The following ZNF629 variants were observed in gnomAD, a reference collection of about 807,000 sequenced individuals.
The protein encoded by ZNF629 is DNA-binding protein.
A neutral mutation model predicts 59.7 loss-of-function variants in ZNF629; 9 were observed. The ratio of observed to expected loss-of-function variants is 0.15; its 90% CI spans 0.09 to 0.26. The LOEUF (loss-of-function observed/expected upper bound fraction) is 0.26. Among genes scored for constraint, ZNF629 ranks in the 10% least tolerant of loss-of-function variants. ZNF629 has a pLI of 1.00. For synonymous variants in ZNF629, 509 were observed against 498.9 expected (o/e 1.02, Z -0.27); for missense variants, 853 against 1,165.4 (o/e 0.73, Z 3.90).
chr16:30,783,997 C>T lies in ZNF629; in HGVS notation c.331G>A (p.Glu111Lys), dbSNP rs769547466. ...AGAGCGCCCCACTGCCAGCTGGCCT[C>T]GCAGGCCTTGGTCCAGTCAGATGGG... ...PTPSDWTKAC[E>K]ASWQWGALTT... is the part of the protein sequence containing the mutation. Residue 111 changes from glutamate to lysine, a missense_variant, in exon 3 of 3, where the codon GAG (glutamate) becomes AAG (lysine). Coordinates refer to ENST00000262525, the MANE Select transcript of ZNF629 (RefSeq NM_001080417.3). The T allele has an allele frequency of 2.5e-6, 4 of 1,573,006 alleles. No homozygotes were observed. The highest frequency in any genetic ancestry group is 3.4e-6 in the Non-Finnish European group (4 of 1,160,222).
chr16:30,784,532 C>A lies in ZNF629; in HGVS notation c.-33-17G>T, dbSNP rs1476929947. 1.3e-6 allele frequency: 2 copies of A among 1,490,956 alleles called. No individual in the cohort carries two copies. The highest frequency in any genetic ancestry group is 2.3e-5 in the Admixed American group (1 of 43,056). 92.4% of individuals were successfully genotyped at this position (1,490,956 alleles called of 1,614,324 possible). ...CCAGGGACCCTGCGGGGGAAGACAG[C>A]GATGAGCGCACACTGGGAGCTGATT... is the stretch of plus-strand genomic sequence containing the variant. On this transcript the variant is annotated splice_polypyrimidine_tract_variant and intron_variant, in intron 1 of 2. Transcript: ENST00000262525.
rs1408620620 is a variant in ZNF629, at chr16:30,786,235, C to T, written c.-34+793G>A. Among the ~76,000 whole-genome samples the T allele has an allele frequency of 6.6e-6, 1 of 152,168 alleles. No homozygotes were observed. Among genetic ancestry groups the T allele is most frequent in the Non-Finnish European group, 1.5e-5 (1 of 68,038 alleles). The stretch of plus-strand genomic sequence containing the variant: ...TTAAGCTCCGAGAATCCCCCCTCCC[C>T]GCCTGTAAGTGTCTTTGGGGTGGTG... On this transcript the variant is annotated intron_variant, in intron 1 of 2. Transcript: ENST00000262525. The surrounding 1 kb of genome is among the most constrained non-coding windows in gnomAD (Gnocchi z 4.8).
chr16:30,782,129 C>A lies in ZNF629; in HGVS notation c.2199G>T (p.Gln733His), dbSNP rs536641853. The change falls in exon 3 of 3, where the codon CAG (glutamine) becomes CAT (histidine). Residue 733 changes from glutamine (Q) to histidine (H), a missense_variant. This residue lies in a region of ZNF629 where 420 missense variants were observed against 435.6 expected (regional missense o/e 0.96). Coordinates refer to ENST00000262525, the MANE Select transcript of ZNF629 (RefSeq NM_001080417.3). ...FGLSSELLLH[Q>H]KVHAGGKSSQ... is the part of the protein sequence containing the mutation. ...AGCTCTTCCCGCCTGCATGGACTTTCTGGTGCAGCAGCAGCTCAGAGCTGA... is the reference window on the plus strand; with the variant it reads ...AGCTCTTCCCGCCTGCATGGACTTTATGGTGCAGCAGCAGCTCAGAGCTGA... 1 of 1,611,506 alleles carries A rather than the reference C, an allele frequency of 6.2e-7. No individual in the cohort carries two copies. The highest frequency in any genetic ancestry group is 1.7e-5 in the Admixed American group (1 of 59,592).
intron 1 of ZNF629, among the ~76,000 whole-genome samples, chr16:30,785,826 C>A (rs1003411051): frequency 2.0e-4 from 30 of 150,478 alleles, no homozygotes; most frequent in Admixed American, 1.4e-3. Flanking sequence ...GGGATGGCAG[C>A]AAAGGAGCAG....
rs765345943 is a variant in ZNF629 at position 30,781,897 on chromosome 16, C to G, written c.2431G>C (p.Asp811His). ...PPPEAVTLST[D>H]QEGEGETPTP... is the part of the protein sequence containing the mutation. ...GGGGTCTCGCCCTCACCTTCCTGAT[C>G]TGTGGACAGGGTGACTGCCTCTGGA... is the stretch of plus-strand genomic sequence containing the variant. The change falls in exon 3 of 3, where the codon GAT becomes CAT. Residue 811 changes from aspartate (D) to histidine (H), a missense_variant. Physicochemically the swap from Asp to His is moderately conservative, Grantham distance 81. Around this residue, in one of 3 missense-constraint regions of ZNF629, gnomAD observed 420 missense variants for 435.6 expected, o/e 0.96. Transcript: ENST00000262525. 6.5e-7 allele frequency: 1 copy of G among 1,550,004 alleles called. No individual in the cohort carries two copies. The highest frequency in any genetic ancestry group is 2.0e-5 in the Admixed American group (1 of 50,892).
At position 30,780,752 on chromosome 16, in the gene ZNF629, T is replaced by G. The variant is rs2054273185; in HGVS notation, c.*966A>C. The G allele has an allele frequency of 1.3e-5, 2 of 152,206 alleles. No individual in the cohort carries two copies. The highest frequency in any genetic ancestry group is 4.1e-4 in the South Asian group (2 of 4,826). 9.4% of individuals were successfully genotyped at this position (152,206 alleles called of 1,614,324 possible). ...GCTGGGACCTGCCTGCTACTTGCAGTTTCGCAAGCTTCCGGAAGCAAGAAG... is the reference window on the plus strand; with the variant it reads ...GCTGGGACCTGCCTGCTACTTGCAGGTTCGCAAGCTTCCGGAAGCAAGAAG... On this transcript the variant is annotated 3_prime_UTR_variant, in exon 3 of 3. Coordinates refer to ENST00000262525, the MANE Select transcript of ZNF629 (RefSeq NM_001080417.3).
Position 30,786,874 on chromosome 16 carries a change from C to T in ZNF629, c.-34+154G>A, listed in dbSNP as rs564415198. On this transcript the variant is annotated intron_variant, in intron 1 of 2. Transcript: ENST00000262525. This position sits in a 1 kb window ranked among gnomAD's most constrained non-coding sequence, Gnocchi z 4.8. ...TCCCAGAATCCTCGGCCCTCCGCGC[C>T]CCCCGCCCGCCCCCACCCCGGCCAC... Among the ~76,000 whole-genome samples the T allele has an allele frequency of 1.3e-5, 2 of 151,956 alleles. No homozygotes were observed. Among genetic ancestry groups the T allele is most frequent in the African/African-American group, 4.8e-5 (2 of 41,484 alleles).
chr16:30,787,114 G>C lies in ZNF629; in HGVS notation c.-120C>G, dbSNP rs902930233. ...AGTGCCCTGCCTCGGGGGACGGACT[G>C]GGCGCCGAGGACTCTGGGGTCCTTC... is the stretch of plus-strand genomic sequence containing the variant. On this transcript the variant is annotated 5_prime_UTR_variant, in exon 1 of 3. Transcript: ENST00000262525. 6.5e-6 allele frequency: 1 copy of C among 152,988 alleles called. No individual in the cohort carries two copies. The highest frequency in any genetic ancestry group is 1.5e-5 in the Non-Finnish European group (1 of 68,304). 9.5% of individuals were successfully genotyped at this position (152,988 alleles called of 1,614,324 possible). A position where few individuals can be genotyped will look rare whatever the true frequency, so the allele number is the denominator to read the frequency against.
Position 30,781,875 on chromosome 16 carries a change from G to A in ZNF629, c.2453C>T (p.Thr818Ile). ...LSTDQEGEGE[T>I]PTPTESSSHG... ...GCTGCTGCTCTCTGTGGGGGTAGGG[G>A]TCTCGCCCTCACCTTCCTGATCTGT... The change falls in exon 3 of 3, where the codon ACC becomes ATC. Residue 818 changes from threonine to isoleucine, a missense_variant. This residue lies in a region of ZNF629 where 420 missense variants were observed against 435.6 expected (regional missense o/e 0.96). Transcript: ENST00000262525. 6.4e-7 allele frequency: 1 copy of A among 1,568,760 alleles called. No individual in the cohort carries two copies. Among genetic ancestry groups the A allele is most frequent in the Non-Finnish European group, 8.7e-7 (1 of 1,155,028 alleles).
At position 30,782,074 on chromosome 16, in the gene ZNF629, A is replaced by G. The variant is rs755526163; in HGVS notation, c.2254T>C (p.Ser752Pro). The stretch of plus-strand genomic sequence containing the variant: ...CTGAGATGCTCCAGGAGGACGGAAG[A>G]GCTCTTCCCCAGCTCTGGACTCTTC... ...SQKSPELGKS[S>P]SVLLEHLRSP... The change falls in exon 3 of 3, where the codon TCT becomes CCT. Residue 752 changes from serine (S) to proline (P), a missense_variant. By Grantham distance (74) the Ser-to-Pro change is moderately conservative. Transcript: ENST00000262525. 108 of 1,577,702 alleles carry G rather than the reference A, an allele frequency of 6.8e-5. No individual in the cohort carries two copies. The highest frequency in any genetic ancestry group is 2.9e-5 in the Non-Finnish European group (34 of 1,162,114).
rs1596779202 is a variant in ZNF629 at position 30,783,665 on chromosome 16, C to T, written c.663G>A (p.Leu221=). 1.3e-6 allele frequency: 2 copies of T among 1,576,258 alleles called. No individual in the cohort carries two copies. The highest frequency in any genetic ancestry group is 2.3e-5 in the South Asian group (2 of 86,564). The change falls in exon 3 of 3, where the codon CTG becomes CTA. Residue 221 remains leucine (L), a synonymous_variant. Transcript: ENST00000262525. ...CCGTGTGCGTGCGCTGGTGCTGCAC[C>T]AGGTTGGAGCTCCAGCTGAAGCACT... The part of the protein sequence containing the change: ...CGKCFSWSSN[L]VQHQRTHTGE...
rs1256894347 is a variant in ZNF629, at chr16:30,779,469, TTC to T, written c.*2247_*2248del. The T allele has an allele frequency of 6.6e-6, 1 of 152,176 alleles. No homozygotes were observed. The highest frequency in any genetic ancestry group is 1.5e-5 in the Non-Finnish European group (1 of 68,052). 9.4% of individuals were successfully genotyped at this position (152,176 alleles called of 1,614,324 possible). A position where few individuals can be genotyped will look rare whatever the true frequency, so the allele number is the denominator to read the frequency against. ...TTACAGGGCACCCCCTTCGTTGGCG[TTC>T]TGTTAGGAAGAGACCCACAGGCAGC... On this transcript the variant is annotated 3_prime_UTR_variant, in exon 3 of 3. Coordinates refer to ENST00000262525, the MANE Select transcript of ZNF629 (RefSeq NM_001080417.3).
chr16:30,784,583 A>T (rs866770227), intron 1 of ZNF629, 68 bp from the exon 2 acceptor site: 1 of 1,239,786 alleles, frequency 8.1e-7, no homozygotes, highest in Non-Finnish European at 1.1e-6. Context: ...TTCCCCCTGA[A>T]CCTCACTCCC....
At chr16:30,785,620 C>A (rs1363434483) in intron 1 of ZNF629, among the ~76,000 whole-genome samples, 1 of 152,070 alleles carries the variant, frequency 6.6e-6, no homozygotes, top group African/African-American at 2.4e-5. Flanking sequence ...TACTCCCCAC[C>A]AAAGCCCTCC....
chr16:30,782,305 A>G lies in ZNF629; in HGVS notation c.2023T>C (p.Ser675Pro). Residue 675 changes from serine to proline, a missense_variant, in exon 3 of 3, where the codon TCT (serine) becomes CCT (proline). Ser to Pro is a moderately conservative substitution (Grantham distance 74). Around this residue, in one of 3 missense-constraint regions of ZNF629, gnomAD observed 420 missense variants for 435.6 expected, o/e 0.96. Transcript: ENST00000262525. The stretch of plus-strand genomic sequence containing the variant: ...GTGAGCTGATGCTGGAGGAGCACAG[A>G]GCGATCCAGGAAGCTCTCTCCGCAG... ...SHCGESFLDRSVLLQHQLTHG... is the reference protein window; with the variant it reads ...SHCGESFLDRPVLLQHQLTHG... 1 of 1,611,018 alleles carries G rather than the reference A, an allele frequency of 6.2e-7. No individual in the cohort carries two copies. The highest frequency in any genetic ancestry group is 8.5e-7 in the Non-Finnish European group (1 of 1,178,580).
chr16:30,781,941 G>C lies in ZNF629; in HGVS notation c.2387C>G (p.Pro796Arg). The C allele has an allele frequency of 6.5e-7, 1 of 1,540,388 alleles. No homozygotes were observed. The highest frequency in any genetic ancestry group is 8.7e-7 in the Non-Finnish European group (1 of 1,145,374). The change falls in exon 3 of 3, where the codon CCC becomes CGC. Residue 796 changes from proline (P) to arginine (R), a missense_variant. Physicochemically the swap from Pro to Arg is moderately radical, Grantham distance 103 (BLOSUM62 -2). This residue lies in a region of ZNF629 where 420 missense variants were observed against 435.6 expected (regional missense o/e 0.96). Coordinates refer to ENST00000262525, the MANE Select transcript of ZNF629 (RefSeq NM_001080417.3). ...CTCTGGAGGGGGGTCCTCGGGATTG[G>C]GGGGTTTTTCCTGGGTGTGGGTTTC... Reference protein sequence around the residue: ...HQETHTQEKPPNPEDPPPEAV... With the variant: ...HQETHTQEKPRNPEDPPPEAV...
rs939431477 is a variant in ZNF629, at chr16:30,780,560, G to T, written c.*1158C>A. 1 of 152,590 alleles carries T rather than the reference G, an allele frequency of 6.6e-6. No individual in the cohort carries two copies. The highest frequency in any genetic ancestry group is 2.4e-5 in the African/African-American group (1 of 41,428). The allele number at this position is 152,590 out of a possible 1,614,324, so 9.5% of individuals were successfully genotyped here. ...AGGACAGAATTTGAGGAAATGAGCT[G>T]CCACTGGCGGCAGTTAGATTTCAGG... On this transcript the variant is annotated 3_prime_UTR_variant, in exon 3 of 3. Coordinates refer to ENST00000262525, the MANE Select transcript of ZNF629 (RefSeq NM_001080417.3).
In ZNF629 at chr16:30,782,270, G is replaced by C; in HGVS notation, c.2058C>G (p.Asn686Lys). ...VLLQHQLTHG[N>K]EKPFLFPDYR... ...AATCAGGAAAGAGAAAGGGCTTTTC[G>C]TTGCCGTGGGTGAGCTGATGCTGGA... Residue 686 changes from asparagine (N) to lysine (K), a missense_variant, in exon 3 of 3, where the codon AAC becomes AAG. Transcript: ENST00000262525. 1.2e-6 allele frequency: 2 copies of C among 1,613,014 alleles called. No homozygotes were observed. Among genetic ancestry groups the C allele is most frequent in the Non-Finnish European group, 1.7e-6 (2 of 1,179,422 alleles).
rs2054267235 is a variant in ZNF629, at chr16:30,780,006, C to G, written c.*1712G>C. The G allele has an allele frequency of 6.6e-6, 1 of 152,656 alleles. No individual in the cohort carries two copies. Among genetic ancestry groups the G allele is most frequent in the Non-Finnish European group, 1.5e-5 (1 of 68,060 alleles). 9.5% of individuals were successfully genotyped at this position (152,656 alleles called of 1,614,324 possible). A position where few individuals can be genotyped will look rare whatever the true frequency, so the allele number is the denominator to read the frequency against. On this transcript the variant is annotated 3_prime_UTR_variant, in exon 3 of 3. Coordinates refer to ENST00000262525, the MANE Select transcript of ZNF629 (RefSeq NM_001080417.3). The stretch of plus-strand genomic sequence containing the variant: ...CCACCATCTCATAGGGCAACAGTCT[C>G]TCCCCAGCCACATATGCCCAGGCCT...
Sources: gnomAD v4.1 joint callset for allele counts (sites outside exome capture counted in the v4.1 genomes callset) on GRCh38, gnomAD v4.1.1 for gene constraint, gnomAD v4.1.1 regional missense constraint, Gnocchi (gnomAD v3.1) non-coding constraint, MANE v1.5 for transcripts, NCBI Gene and HGNC (gene_info 2026-07-23, HGNC 2026-07-21) for gene names.